SVOPL: variants seen among roughly 807,000 people sequenced by gnomAD.
SVOPL encodes the protein putative transporter SVOPL.
Under a neutral mutation model 61.0 loss-of-function variants are expected in SVOPL, and 60 were observed. The ratio of observed to expected loss-of-function variants is 0.98; its 90% CI spans 0.80 to 1.22. The LOEUF (loss-of-function observed/expected upper bound fraction) is 1.22. SVOPL is among the 50% of genes most tolerant of loss of function. The pLI is 0.00. For synonymous variants in SVOPL, 279 were observed against 250.0 expected, an observed-to-expected ratio of 1.12 and a Z score of -1.09; for missense variants, 662 against 643.9, an observed-to-expected ratio of 1.03 and a Z score of -0.30.
intron 14 of SVOPL, among the ~76,000 whole-genome samples, chr7:138,612,962 A>C (rs1673222): frequency 6.6e-6 from 1 of 151,824 alleles, no homozygotes; most frequent in African/African-American, 2.4e-5. Flanking sequence ...TTATAAGCTT[A>C]CTCTACCCTT....
intron 1 of SVOPL, chr7:138,689,136 T>C (rs909657427): frequency 1.1e-6 from 1 of 880,118 alleles, no homozygotes; most frequent in Non-Finnish European, 1.9e-6. Flanking sequence ...AGATGTCACT[T>C]TACAGAAATA....
intron 1 of SVOPL, among the ~76,000 whole-genome samples, chr7:138,699,648 A>G (rs1803146785): frequency 6.6e-6 from 1 of 152,224 alleles, no homozygotes; most frequent in Non-Finnish European, 1.5e-5. Context: ...CCTGTGTTCT[A>G]CATTGCAAAA....
At chr7:138,631,382 G>A (rs1274417985) in intron 9 of SVOPL, among the ~76,000 whole-genome samples, 1 of 152,048 alleles carries the variant, frequency 6.6e-6, no homozygotes, top group Non-Finnish European at 1.5e-5. Flanking sequence ...GTATGAGTAA[G>A]TTATTAACTA....
Position 138,627,331 on chromosome 7 carries a change from G to T in SVOPL, c.1181+19C>A. ...TAGAAACCACTGCACAAAATCTGAAGCAATTAAACAGAAAATACCTTGAAG... is the reference window on the plus strand; with the variant it reads ...TAGAAACCACTGCACAAAATCTGAATCAATTAAACAGAAAATACCTTGAAG... On this transcript the variant is annotated intron_variant, in intron 12 of 15. Coordinates refer to ENST00000674285, the MANE Select transcript of SVOPL (RefSeq NM_001139456.2). 1 of 1,581,964 alleles carries T rather than the reference G, an allele frequency of 6.3e-7. No homozygotes were observed. The highest frequency in any genetic ancestry group is 8.7e-7 in the Non-Finnish European group (1 of 1,151,436).
At chr7:138,608,568 G>T (rs1798856795) in intron 14 of SVOPL, among the ~76,000 whole-genome samples, 1 of 152,184 alleles carries the variant, frequency 6.6e-6, no homozygotes, top group Non-Finnish European at 1.5e-5. Flanking sequence ...CTGGAAGAGG[G>T]CACAGCAGGG....
At chr7:138,596,668 A>C in intron 14 of SVOPL, 138 bp from the exon 15 acceptor site, 1 of 1,398,530 alleles carries the variant, frequency 7.2e-7, no homozygotes, top group Non-Finnish European at 9.3e-7. Flanking sequence ...CCTTCCTGAC[A>C]AATTGATTTA....
intron 13 of SVOPL, among the ~76,000 whole-genome samples, chr7:138,625,598 G>C (rs554722423): frequency 6.6e-6 from 1 of 152,148 alleles, no homozygotes; most frequent in Non-Finnish European, 1.5e-5. Context: ...GGAAGGAAAG[G>C]GATCTTCCAA....
intron 8 of SVOPL, 74 bp from the exon 9 acceptor site, chr7:138,644,919 T>C (rs1801021503): frequency 6.4e-7 from 1 of 1,572,698 alleles, no homozygotes; most frequent in East Asian, 2.3e-5. Context: ...TATTGCTCTA[T>C]ACACTACAGT....
At chr7:138,603,690 G>T (rs903684550) in intron 14 of SVOPL, among the ~76,000 whole-genome samples, 5 of 152,076 alleles carry the variant, frequency 3.3e-5, no homozygotes, top group South Asian at 2.1e-4. Context: ...ATTAGATGAA[G>T]CATGAAATTT....
At chr7:138,640,561 T>G (rs1266298251) in intron 9 of SVOPL, among the ~76,000 whole-genome samples, 1 of 152,176 alleles carries the variant, frequency 6.6e-6, no homozygotes, top group Non-Finnish European at 1.5e-5. Flanking sequence ...TTTAAAAAAT[T>G]TTTAAACAGA....
At chr7:138,646,666 G>A (rs954481376) in intron 8 of SVOPL, among the ~76,000 whole-genome samples, 3 of 152,054 alleles carry the variant, frequency 2.0e-5, no homozygotes, top group Non-Finnish European at 2.9e-5. Context: ...CCACAGGCAC[G>A]GACCACAACA....
At chr7:138,697,113 G>A (rs1338018936) in intron 1 of SVOPL, among the ~76,000 whole-genome samples, 1 of 152,164 alleles carries the variant, frequency 6.6e-6, no homozygotes, top group Non-Finnish European at 1.5e-5. Context: ...GTGCATACCT[G>A]TAATCCCAGC....
intron 14 of SVOPL, among the ~76,000 whole-genome samples, chr7:138,611,867 G>A (rs1584779234): frequency 3.8e-5 from 3 of 79,086 alleles, no homozygotes; most frequent in African/African-American, 8.7e-5. Context: ...TGCAGCCTCT[G>A]CCCGGCCGCC....
rs146428956 is a variant in SVOPL at position 138,653,721 on chromosome 7, G to A, written c.534+2727C>T. Among the ~76,000 whole-genome samples, 1,346 of 152,208 alleles carry A rather than the reference G, an allele frequency of 8.8e-3. 42 individuals are homozygous for A. The highest frequency in any genetic ancestry group is 0.067 in the South Asian group (325 of 4,826). ...GAGGCTGAGGTGGGTGGATCACAAG[G>A]TCAGGAGTTCAAGACCAACCTGGCC... is the stretch of plus-strand genomic sequence containing the variant. On this transcript the variant is annotated intron_variant, in intron 7 of 15. Coordinates refer to ENST00000674285, the MANE Select transcript of SVOPL (RefSeq NM_001139456.2).
At chr7:138,695,394 C>A (rs904019603) in intron 1 of SVOPL, among the ~76,000 whole-genome samples, 3 of 152,132 alleles carry the variant, frequency 2.0e-5, no homozygotes, top group Non-Finnish European at 4.4e-5. Context: ...CACCTGTAGT[C>A]CTCGCTACCT....
chr7:138,602,868 G>T (rs541450555), intron 14 of SVOPL, among the ~76,000 whole-genome samples: 1 of 152,056 alleles, frequency 6.6e-6, no homozygotes, highest in Non-Finnish European at 1.5e-5. Flanking sequence ...GTGTGTTCGT[G>T]TCATCAGTCT....
chr7:138,638,227 GGCGCCACTGTACTCTAGCCTGGGCA>G lies in SVOPL; in HGVS notation c.789+6465_789+6489del, dbSNP rs1227962881. Among the ~76,000 whole-genome samples the G allele has an allele frequency of 8.2e-5, 12 of 147,140 alleles. No individual in the cohort carries two copies. The Admixed American group carries it at 8.2e-4, about 10-fold the overall frequency. On this transcript the variant is annotated intron_variant, in intron 9 of 15. Transcript: ENST00000674285. ...AGGGGAGGTTTCAGTGTGCCGAGAT[GGCGCCACTGTACTCTAGCCTGGGCA>G]GCAGATTGAGACTCCACCTCAAAAA...
chr7:138,638,062 T>C (rs1049561547), intron 9 of SVOPL, among the ~76,000 whole-genome samples: 19 of 152,002 alleles, frequency 1.2e-4, no homozygotes, highest in African/African-American at 4.6e-4. Flanking sequence ...TCACTTGAGG[T>C]CAGGAGTTTG....
chr7:138,614,022 T>C (rs1467922046), intron 14 of SVOPL, among the ~76,000 whole-genome samples: 2 of 152,182 alleles, frequency 1.3e-5, no homozygotes, highest in Non-Finnish European at 2.9e-5. Flanking sequence ...ACTAGAACAA[T>C]GGCAGGCACA....
Sources: allele counts gnomAD v4.1 joint callset (sites outside exome capture counted in the v4.1 genomes callset), GRCh38; gene constraint gnomAD v4.1.1; transcripts MANE v1.5; gene names NCBI Gene and HGNC (gene_info 2026-07-23, HGNC 2026-07-21).